Variants in DDX4 observed in about 807,000 individuals in gnomAD.
DDX4 encodes probable ATP-dependent RNA helicase DDX4.
Under a neutral mutation model 100.0 loss-of-function variants are expected in DDX4, and 25 were observed. The observed-to-expected ratio is 0.25, with a 90% confidence interval of 0.18 to 0.35. The LOEUF (loss-of-function observed/expected upper bound fraction) is 0.35, where lower values mean the gene tolerates loss of function less well. DDX4 is among the 10% of genes least tolerant of loss of function. The probability of loss-of-function intolerance (pLI) is 1.00; values close to 1 mark genes in which losing one functional copy is unlikely to be tolerated. For synonymous variants in DDX4, 259 were observed against 275.7 expected, an observed-to-expected ratio of 0.94 and a Z score of 0.60; for missense variants, 635 against 882.4, an observed-to-expected ratio of 0.72 and a Z score of 3.55.
At chr5:55,794,993 T>G (rs960140469) in intron 17 of DDX4, among the ~76,000 whole-genome samples, 1 of 151,384 alleles carries the variant, frequency 6.6e-6, no homozygotes, top group African/African-American at 2.4e-5. Context: ...GAGACAGAGT[T>G]TCGCTCTTGT....
chr5:55,796,819 CTTTCTTTTTTTTTTTTTT>C (rs1742977994), intron 17 of DDX4, among the ~76,000 whole-genome samples: 11 of 63,454 alleles, frequency 1.7e-4, no homozygotes, highest in African/African-American at 2.9e-4. Context: ...TTTTTTCTTT[CTTTCTTTTTTTTTTTTTT>C]TTTTTTTTTT....
chr5:55,798,549 C>G lies in DDX4; in HGVS notation c.1593C>G (p.Leu531=). The change falls in exon 18 of 22, where the codon CTC becomes CTG. Residue 531 remains leucine, a synonymous_variant. Transcript: ENST00000505374. ...GCCAGTTCTCAAAAAGAGAAAAGCT[C>G]GTTGAAATTCTGCGAAACATAGGTA... ...QVGQFSKREK[L]VEILRNIGDE... is the part of the protein sequence containing the mutation. The G allele has an allele frequency of 1.2e-6, 2 of 1,603,034 alleles. No individual in the cohort carries two copies. The highest frequency in any genetic ancestry group is 8.5e-7 in the Non-Finnish European group (1 of 1,174,240).
intron 6 of DDX4, among the ~76,000 whole-genome samples, chr5:55,765,912 C>T (rs1375563062): frequency 2.0e-5 from 3 of 151,986 alleles, no homozygotes; most frequent in Non-Finnish European, 1.5e-5. Context: ...TCAAGTGATT[C>T]TCCTGCCTCA....
chr5:55,814,560 G>A (rs1462316531), intron 19 of DDX4, among the ~76,000 whole-genome samples: 2 of 151,598 alleles, frequency 1.3e-5, no homozygotes, highest in East Asian at 1.9e-4. Flanking sequence ...GCAATGGCAC[G>A]ATCTCAGCTC....
intron 21 of DDX4, 122 bp from the exon 22 acceptor site, chr5:55,816,341 T>A: frequency 7.2e-7 from 1 of 1,388,020 alleles, no homozygotes; most frequent in Non-Finnish European, 9.5e-7. Flanking sequence ...TCTTTGATTA[T>A]TTGGGGAAGA....
chr5:55,754,794 A>G (rs1307353741), intron 3 of DDX4, among the ~76,000 whole-genome samples: 5 of 151,296 alleles, frequency 3.3e-5, no homozygotes. Context: ...CTGTGAATCC[A>G]TCTGGTCCTG....
intron 3 of DDX4, among the ~76,000 whole-genome samples, chr5:55,751,945 T>G (rs1216334484): frequency 6.6e-6 from 1 of 152,180 alleles, no homozygotes; most frequent in Non-Finnish European, 1.5e-5. Context: ...TCATCCTTTT[T>G]GAATCATGGT....
At chr5:55,813,144 T>A (rs1285069900) in intron 18 of DDX4, among the ~76,000 whole-genome samples, 1 of 152,130 alleles carries the variant, frequency 6.6e-6, no homozygotes. Context: ...GGTTGTCATT[T>A]AATTTTTTAA....
chr5:55,744,125 C>T (rs957957145), intron 2 of DDX4, among the ~76,000 whole-genome samples: 1 of 151,998 alleles, frequency 6.6e-6, no homozygotes, highest in African/African-American at 2.4e-5. Flanking sequence ...TTAATGATGA[C>T]TCGGAAAAAT....
intron 3 of DDX4, among the ~76,000 whole-genome samples, chr5:55,759,952 T>G (rs964428689): frequency 6.6e-6 from 1 of 152,174 alleles, no homozygotes; most frequent in African/African-American, 2.4e-5. Flanking sequence ...CATTCAATTA[T>G]GAGGTTAAAA....
In DDX4 at chr5:55,796,827, T is replaced by C. The variant is rs199594332; in HGVS notation, c.1470-1599T>C. ...CTTTTCTTTTTTTCTTTCTTTCTTT[T>C]TTTTTTTTTTTTTTTTTTTTTTTTT... is the stretch of plus-strand genomic sequence containing the variant. On this transcript the variant is annotated intron_variant, in intron 17 of 21. Transcript: ENST00000505374. Among the ~76,000 whole-genome samples the C allele has an allele frequency of 1.8e-3, 67 of 37,684 alleles. 1 individual carries two copies. The highest frequency in any genetic ancestry group is 2.8e-3 in the East Asian group (2 of 710). The allele number at this position is 37,684 out of a possible 152,430, so 24.7% of individuals were successfully genotyped here.
chr5:55,744,820 A>T (rs750941119), intron 2 of DDX4, among the ~76,000 whole-genome samples: 5 of 152,140 alleles, frequency 3.3e-5, no homozygotes, highest in Non-Finnish European at 4.4e-5. Context: ...GGCAGGTTGC[A>T]TATATAAATT....
intron 10 of DDX4, among the ~76,000 whole-genome samples, chr5:55,784,562 G>T (rs568704247): frequency 4.6e-5 from 7 of 152,268 alleles, no homozygotes; most frequent in Admixed American, 1.3e-4. Flanking sequence ...GATTTGGGAC[G>T]GGTTCCCACC....
At chr5:55,749,985 A>C (rs769064500) in intron 3 of DDX4, among the ~76,000 whole-genome samples, 1 of 95,510 alleles carries the variant, frequency 1.0e-5, no homozygotes, top group Non-Finnish European at 2.0e-5. Context: ...TATTCAGAGC[A>C]AAAAAAAAAA....
intron 17 of DDX4, among the ~76,000 whole-genome samples, chr5:55,796,137 T>A (rs116301270): frequency 0.026 from 3,988 of 152,286 alleles, 75 homozygotes; most frequent in South Asian, 0.051. Context: ...CCCACCTTCT[T>A]CTGCCTGCGT....
At chr5:55,809,401 C>T (rs531813708) in intron 18 of DDX4, among the ~76,000 whole-genome samples, 38 of 152,278 alleles carry the variant, frequency 2.5e-4, no homozygotes, top group Non-Finnish European at 4.9e-4. Context: ...CCGTCTTCTG[C>T]GTCACTTATG....
intron 12 of DDX4, 29 bp downstream of exon 12, chr5:55,785,523 G>T (rs1328954136): frequency 1.3e-6 from 2 of 1,507,574 alleles, no homozygotes; most frequent in African/African-American, 2.8e-5. Flanking sequence ...GACTCACATA[G>T]AAGTATGTTG....
At chr5:55,800,424 C>T (rs953474351) in intron 18 of DDX4, among the ~76,000 whole-genome samples, 11 of 151,214 alleles carry the variant, frequency 7.3e-5, no homozygotes, top group South Asian at 4.2e-4. Context: ...CCCGGGTTCA[C>T]GCCATTCTCC....
chr5:55,765,413 A>AAATATATATATATATATAT (rs1392558099), intron 6 of DDX4, among the ~76,000 whole-genome samples: 1 of 83,010 alleles, frequency 1.2e-5, no homozygotes, highest in African/African-American at 5.8e-5. Flanking sequence ...AAAAAAAAAA[A>AAATATATATATATATATAT]ATATATATAT....
Sources: gnomAD v4.1 joint callset for allele counts (sites outside exome capture counted in the v4.1 genomes callset) on GRCh38, gnomAD v4.1.1 for gene constraint, MANE v1.5 for transcripts, NCBI Gene and HGNC (gene_info 2026-07-23, HGNC 2026-07-21) for gene names.